The following MAML3 variants were observed in gnomAD, a reference collection of about 807,000 sequenced individuals.
MAML3 encodes mastermind like transcriptional coactivator 3, also known as mastermind-like protein 3.
Under a neutral mutation model 101.9 loss-of-function variants are expected in MAML3, and 27 were observed. The observed-to-expected ratio is 0.27, with a 90% CI of 0.20 to 0.37. The LOEUF is 0.37. MAML3 is among the 10% of genes least tolerant of loss of function. The probability of loss-of-function intolerance (pLI) is 1.00; values close to 1 mark genes in which losing one functional copy is unlikely to be tolerated. For synonymous variants in MAML3, 501 were observed against 555.9 expected, an observed-to-expected ratio of 0.90 and a Z score of 1.39; for missense variants, 1,316 against 1,444.9, an observed-to-expected ratio of 0.91 and a Z score of 1.45.
At chr4:139,819,020 C>T (rs1385288917) in intron 2 of MAML3, among the ~76,000 whole-genome samples, 2 of 151,886 alleles carry the variant, frequency 1.3e-5, no homozygotes, top group African/African-American at 2.4e-5. Flanking sequence ...CAGAGGCGCA[C>T]GCAAATGAAT....
At chr4:139,778,625 G>C (rs929953363) in intron 2 of MAML3, among the ~76,000 whole-genome samples, 1 of 152,224 alleles carries the variant, frequency 6.6e-6, no homozygotes, top group African/African-American at 2.4e-5. Context: ...TCTTCCTGAG[G>C]GCGAATCTCT....
intron 1 of MAML3, among the ~76,000 whole-genome samples, chr4:139,982,332 T>C (rs1348816217): frequency 2.6e-5 from 4 of 152,206 alleles, no homozygotes; most frequent in African/African-American, 7.2e-5. Flanking sequence ...TGGGAGTTTT[T>C]TTGAATACTT....
chr4:140,129,231 T>C (rs1354063462), intron 1 of MAML3, among the ~76,000 whole-genome samples: 3 of 152,178 alleles, frequency 2.0e-5, no homozygotes, highest in Non-Finnish European at 4.4e-5. Flanking sequence ...GTATTATCAC[T>C]TTTTTCCATC....
At chr4:140,030,794 T>C (rs1413204658) in intron 1 of MAML3, among the ~76,000 whole-genome samples, 1 of 152,174 alleles carries the variant, frequency 6.6e-6, no homozygotes, top group Non-Finnish European at 1.5e-5. Context: ...TGGGCAAGCC[T>C]CATAACAGAG....
intron 1 of MAML3, among the ~76,000 whole-genome samples, chr4:139,916,175 T>C (rs1733024422): frequency 6.6e-6 from 1 of 152,214 alleles, no homozygotes; most frequent in Non-Finnish European, 1.5e-5. Flanking sequence ...GCCTCACCAC[T>C]TGTGAATAAA....
chr4:139,743,204 A>G (rs1320961884), intron 2 of MAML3, among the ~76,000 whole-genome samples: 1 of 152,218 alleles, frequency 6.6e-6, no homozygotes, highest in Non-Finnish European at 1.5e-5. Context: ...AGCTGCTGCA[A>G]CCATTACCAC....
chr4:139,772,032 G>T (rs1489727851), intron 2 of MAML3, among the ~76,000 whole-genome samples: 3 of 151,350 alleles, frequency 2.0e-5, no homozygotes, highest in South Asian at 2.1e-4. Flanking sequence ...GAGGTCAGCA[G>T]ATCCAGACCA....
intron 1 of MAML3, among the ~76,000 whole-genome samples, chr4:140,006,659 G>A (rs1406038437): frequency 6.6e-6 from 1 of 150,722 alleles, no homozygotes; most frequent in East Asian, 1.9e-4. Context: ...AGAAAAAAAG[G>A]TGGTTAGCAT....
chr4:140,006,787 C>G (rs965325464), intron 1 of MAML3, among the ~76,000 whole-genome samples: 2 of 151,774 alleles, frequency 1.3e-5, no homozygotes, highest in African/African-American at 4.8e-5. Context: ...AGTCGTCTAT[C>G]AAATAAAAAT....
intron 1 of MAML3, among the ~76,000 whole-genome samples, chr4:140,048,186 A>G (rs1168424854): frequency 2.0e-5 from 3 of 152,184 alleles, no homozygotes; most frequent in Non-Finnish European, 4.4e-5. Context: ...GTAGGGCAGT[A>G]TTTCAAGAAT....
chr4:139,916,143 A>C (rs1733023812), intron 1 of MAML3, among the ~76,000 whole-genome samples: 1 of 152,190 alleles, frequency 6.6e-6, no homozygotes, highest in Non-Finnish European at 1.5e-5. Context: ...TGAATTCCAA[A>C]GCCTGTGCTT....
intron 1 of MAML3, among the ~76,000 whole-genome samples, chr4:140,093,023 C>G (rs1728089434): frequency 6.6e-6 from 1 of 152,164 alleles, no homozygotes; most frequent in African/African-American, 2.4e-5. Context: ...CCACCCAGGG[C>G]TAGCCTACAA....
intron 1 of MAML3, among the ~76,000 whole-genome samples, chr4:140,042,359 A>G (rs1396849801): frequency 1.3e-5 from 2 of 152,118 alleles, no homozygotes; most frequent in Non-Finnish European, 2.9e-5. Flanking sequence ...CCCCACTCTG[A>G]GGGAGAGCCT....
chr4:139,834,781 C>G (rs1195549941), intron 2 of MAML3, among the ~76,000 whole-genome samples: 1 of 152,170 alleles, frequency 6.6e-6, no homozygotes, highest in Non-Finnish European at 1.5e-5. Flanking sequence ...TTTAACAACT[C>G]TGTATCAACC....
At chr4:139,753,388 T>G (rs202134121) in intron 2 of MAML3, among the ~76,000 whole-genome samples, 2 of 113,224 alleles carry the variant, frequency 1.8e-5, no homozygotes, top group African/African-American at 6.6e-5. Flanking sequence ...ATCTATCTAT[T>G]TTTTGTTAGG....
chr4:140,026,455 C>T (rs6855209), intron 1 of MAML3, among the ~76,000 whole-genome samples: 126,666 of 152,026 alleles, frequency 0.83, 53,722 homozygotes, highest in Non-Finnish European at 0.91. Flanking sequence ...GGTTTCACCA[C>T]GTTGGCCAGG....
intron 1 of MAML3, among the ~76,000 whole-genome samples, chr4:139,896,385 C>G (rs1732608616): frequency 6.6e-6 from 1 of 152,218 alleles, no homozygotes; most frequent in Non-Finnish European, 1.5e-5. Flanking sequence ...TCCTGAGCAT[C>G]AGCCTCCTTG....
At chr4:139,837,042 A>T (rs1731265845) in intron 2 of MAML3, among the ~76,000 whole-genome samples, 2 of 151,242 alleles carry the variant, frequency 1.3e-5, no homozygotes, top group Admixed American at 1.3e-4. Flanking sequence ...GAATCACTTG[A>T]ACCTGGGAGG....
At chr4:139,907,076 T>G (rs138208310) in intron 1 of MAML3, among the ~76,000 whole-genome samples, 7 of 152,332 alleles carry the variant, frequency 4.6e-5, no homozygotes, top group African/African-American at 1.7e-4. Context: ...CTGCCAGATT[T>G]GACTACATGA....
Sources: allele counts gnomAD v4.1 joint callset (sites outside exome capture counted in the v4.1 genomes callset), GRCh38; gene constraint gnomAD v4.1.1; transcripts MANE v1.5; gene names NCBI Gene and HGNC (gene_info 2026-07-23, HGNC 2026-07-21).